The following ATRNL1 variants were observed in gnomAD, a reference collection of about 807,000 sequenced individuals.
ATRNL1 encodes the protein attractin-like protein 1.
A neutral mutation model predicts 182.7 loss-of-function variants in ATRNL1; 95 were observed. The ratio of observed to expected loss-of-function variants is 0.52; its 90% CI spans 0.44 to 0.62. The LOEUF (loss-of-function observed/expected upper bound fraction) is 0.62, where lower values mean the gene tolerates loss of function less well. Ranked by LOEUF, ATRNL1 falls within the 20% of genes least tolerant of loss-of-function variation. The pLI, the probability that ATRNL1 is intolerant of heterozygous loss-of-function variation, is 0.00. For synonymous variants in ATRNL1, 576 were observed against 568.3 expected (o/e 1.01, Z -0.19); for missense variants, 1,471 against 1,679.5 (o/e 0.88, Z 2.17).
chr10:115,298,999 A>C (rs1246448517), intron 15 of ATRNL1, among the ~76,000 whole-genome samples: 3 of 152,046 alleles, frequency 2.0e-5, no homozygotes, highest in Non-Finnish European at 4.4e-5. Context: ...TAATTAGAAT[A>C]AATACTGGAT....
chr10:115,435,661 G>A (rs1554964696), intron 21 of ATRNL1, among the ~76,000 whole-genome samples: 1 of 152,006 alleles, frequency 6.6e-6, no homozygotes, highest in South Asian at 2.1e-4. Context: ...TATGGCTTTC[G>A]CATTTACTAC....
chr10:115,168,838 C>T (rs1270041595), intron 7 of ATRNL1, among the ~76,000 whole-genome samples: 2 of 151,584 alleles, frequency 1.3e-5, no homozygotes, highest in Non-Finnish European at 2.9e-5. Context: ...AACTTTTTTT[C>T]CTTTTATTGC....
chr10:115,448,546 G>T (rs1554967059), intron 21 of ATRNL1, among the ~76,000 whole-genome samples: 1 of 151,748 alleles, frequency 6.6e-6, no homozygotes. Context: ...AAATTCAAAG[G>T]GCTAAATGCC....
intron 24 of ATRNL1, among the ~76,000 whole-genome samples, chr10:115,516,044 G>A (rs1231377142): frequency 6.6e-6 from 1 of 151,688 alleles, no homozygotes; most frequent in Non-Finnish European, 1.5e-5. Context: ...ACAAGTACAT[G>A]ATTTAAGATG....
intron 26 of ATRNL1, among the ~76,000 whole-genome samples, chr10:115,699,751 T>A (rs781923142): frequency 6.6e-6 from 1 of 152,190 alleles, no homozygotes; most frequent in Non-Finnish European, 1.5e-5. Flanking sequence ...ATGGGTACAT[T>A]ACGTGACTGA....
At position 115,506,763 on chromosome 10, in the gene ATRNL1, A is replaced by G. The variant is rs1850134193; in HGVS notation, c.3655-12500A>G. Reference sequence around the variant, plus strand: ...CTCCCAGACCTCAGCAAATTGTCCTATTGGAGCCATAATGTTTGCTTATGC... The same window carrying G: ...CTCCCAGACCTCAGCAAATTGTCCTGTTGGAGCCATAATGTTTGCTTATGC... On this transcript the variant is annotated intron_variant, in intron 24 of 28. Coordinates refer to ENST00000355044, the MANE Select transcript of ATRNL1 (RefSeq NM_207303.4). 2.6e-5 allele frequency among the ~76,000 whole-genome samples: 4 copies of G among 152,060 alleles called. No homozygotes were observed. In the South Asian group the frequency reaches 6.2e-4, roughly 24 times the overall value.
intron 26 of ATRNL1, among the ~76,000 whole-genome samples, chr10:115,566,271 T>C (rs1854071980): frequency 6.6e-6 from 1 of 152,108 alleles, no homozygotes; most frequent in Non-Finnish European, 1.5e-5. Context: ...GCAAGAAATA[T>C]GCTATTCTTA....
intron 18 of ATRNL1, among the ~76,000 whole-genome samples, chr10:115,317,986 A>C (rs1554930224): frequency 6.6e-6 from 1 of 152,144 alleles, no homozygotes; most frequent in Admixed American, 6.6e-5. Flanking sequence ...TTTTCAAAGC[A>C]AATGCTTCCA....
intron 28 of ATRNL1, among the ~76,000 whole-genome samples, chr10:115,854,520 ACTT>A (rs1951134213): frequency 6.6e-6 from 1 of 152,066 alleles, no homozygotes; most frequent in Admixed American, 6.5e-5. Flanking sequence ...CTTAGGGAAA[ACTT>A]CTCTGCAGCT....
chr10:115,622,844 A>G (rs1456827210), intron 26 of ATRNL1, among the ~76,000 whole-genome samples: 2 of 151,946 alleles, frequency 1.3e-5, no homozygotes, highest in African/African-American at 4.8e-5. Flanking sequence ...GGAGAATGGT[A>G]TGAACCCGGG....
chr10:115,433,845 A>G (rs1554964409), intron 21 of ATRNL1, among the ~76,000 whole-genome samples: 1 of 152,220 alleles, frequency 6.6e-6, no homozygotes, highest in African/African-American at 2.4e-5. Context: ...TCATAGACTC[A>G]CTGTAAAAAA....
chr10:115,670,831 T>G (rs782629231), intron 26 of ATRNL1, among the ~76,000 whole-genome samples: 1 of 152,164 alleles, frequency 6.6e-6, no homozygotes, highest in Non-Finnish European at 1.5e-5. Context: ...GTTGATCTCT[T>G]ACCTTTGTGA....
chr10:115,484,201 G>A (rs1848909955), intron 24 of ATRNL1, among the ~76,000 whole-genome samples: 1 of 150,106 alleles, frequency 6.7e-6, no homozygotes, highest in Non-Finnish European at 1.5e-5. Context: ...TTGATATTAG[G>A]TTATGAAGTA....
intron 25 of ATRNL1, among the ~76,000 whole-genome samples, chr10:115,520,185 T>C (rs11197263): frequency 0.016 from 2,419 of 152,220 alleles, 57 homozygotes; most frequent in African/African-American, 0.055. Flanking sequence ...TAACCAACAC[T>C]CACCAACTTG....
chr10:115,547,522 C>T (rs1454917890), intron 25 of ATRNL1, among the ~76,000 whole-genome samples: 7 of 151,826 alleles, frequency 4.6e-5, no homozygotes, highest in African/African-American at 1.4e-4. Context: ...AAATTGAGGT[C>T]GTAGTTGAAA....
In ATRNL1 at chr10:115,418,011, T is replaced by G. The variant is rs150275110; in HGVS notation, c.3270-8239T>G. 2.0e-5 allele frequency among the ~76,000 whole-genome samples: 3 copies of G among 152,336 alleles called. No homozygotes were observed. The East Asian group carries it at 5.8e-4, about 29-fold the overall frequency. ...TGATCTCTCAGTGCACACACATTGT[T>G]GCATGTCCATAAGCATCAAGATCAT... On this transcript the variant is annotated intron_variant, in intron 20 of 28. Transcript: ENST00000355044.
intron 13 of ATRNL1, among the ~76,000 whole-genome samples, chr10:115,270,924 A>G (rs1269027998): frequency 6.6e-6 from 1 of 152,146 alleles, no homozygotes; most frequent in Non-Finnish European, 1.5e-5. Context: ...TTAATTTTCA[A>G]ATGAAGATAA....
At chr10:115,390,226 C>G (rs2134265285) in intron 19 of ATRNL1, among the ~76,000 whole-genome samples, 1 of 152,022 alleles carries the variant, frequency 6.6e-6, no homozygotes, top group Middle Eastern at 3.4e-3. Context: ...TTTATTTTTG[C>G]TTTTGTTTTG....
In ATRNL1 at chr10:115,730,869, A is replaced by G. The variant is rs186405331; in HGVS notation, c.3903+3514A>G. On this transcript the variant is annotated intron_variant, in intron 27 of 28. Transcript: ENST00000355044. The stretch of plus-strand genomic sequence containing the variant: ...TGATTACAAGGTCCCACAATAGGCC[A>G]TCTGCAGGCTGAGGAGCAAGGAGAG... Among the ~76,000 whole-genome samples the G allele has an allele frequency of 2.9e-4, 44 of 152,276 alleles. No homozygotes were observed. In the Middle Eastern group the frequency reaches 0.01, roughly 35 times the overall value.
Sources: allele counts gnomAD v4.1 joint callset (sites outside exome capture counted in the v4.1 genomes callset), GRCh38; gene constraint gnomAD v4.1.1; transcripts MANE v1.5; gene names NCBI Gene and HGNC (gene_info 2026-07-23, HGNC 2026-07-21).